The following NRG3 variants were observed in gnomAD, a reference collection of about 807,000 sequenced individuals.
The protein encoded by NRG3 is pro-neuregulin-3, membrane-bound isoform.
Under a neutral mutation model 66.9 loss-of-function variants are expected in NRG3, and 31 were observed. The observed-to-expected ratio is 0.46, with a 90% CI of 0.35 to 0.63. The LOEUF (loss-of-function observed/expected upper bound fraction) is 0.63. Among genes scored for constraint, NRG3 ranks in the 20% least tolerant of loss-of-function variants. The pLI is 0.00. For missense variants in NRG3, 910 were observed against 878.9 expected, an observed-to-expected ratio of 1.04 and a Z score of -0.45; for synonymous variants, 393 against 359.4, an observed-to-expected ratio of 1.09 and a Z score of -1.06.
intron 3 of NRG3, among the ~76,000 whole-genome samples, chr10:82,842,270 C>T (rs910959130): frequency 1.3e-5 from 2 of 152,062 alleles, no homozygotes; most frequent in African/African-American, 4.8e-5. Flanking sequence ...AAATAAAGGG[C>T]TTCAAGTGTT....
chr10:82,505,018 A>G (rs1844541213), intron 2 of NRG3, among the ~76,000 whole-genome samples: 1 of 152,198 alleles, frequency 6.6e-6, no homozygotes, highest in African/African-American at 2.4e-5. Flanking sequence ...GAGATAATTT[A>G]CTTTTATTAG....
At chr10:82,368,048 C>T (rs2084653325) in intron 2 of NRG3, among the ~76,000 whole-genome samples, 1 of 151,066 alleles carries the variant, frequency 6.6e-6, no homozygotes, top group South Asian at 2.1e-4. Flanking sequence ...AACATATTCT[C>T]TGTGATTCAG....
chr10:82,283,128 T>A (rs2079216451), intron 1 of NRG3, among the ~76,000 whole-genome samples: 1 of 151,794 alleles, frequency 6.6e-6, no homozygotes, highest in African/African-American at 2.4e-5. Flanking sequence ...CCACCAAGAC[T>A]TGGGAAACAC....
chr10:82,199,811 ATTTCT>A (rs768010117), intron 1 of NRG3, among the ~76,000 whole-genome samples: 4 of 150,886 alleles, frequency 2.7e-5, no homozygotes, highest in Non-Finnish European at 4.4e-5. Context: ...TCCAGATTAC[ATTTCT>A]TTTTTTTTCA....
At chr10:82,613,769 G>A (rs1590876994) in intron 2 of NRG3, among the ~76,000 whole-genome samples, 1 of 150,682 alleles carries the variant, frequency 6.6e-6, no homozygotes, top group African/African-American at 2.4e-5. Flanking sequence ...CATGTGCCAC[G>A]CTGGTGTGCT....
chr10:82,051,584 A>G (rs1346762708), intron 1 of NRG3, among the ~76,000 whole-genome samples: 3 of 152,186 alleles, frequency 2.0e-5, no homozygotes, highest in East Asian at 1.9e-4. Flanking sequence ...CAGTGTTAGT[A>G]AACATGGACT....
chr10:82,885,374 G>A (rs1406323543), intron 4 of NRG3, among the ~76,000 whole-genome samples: 3 of 152,078 alleles, frequency 2.0e-5, no homozygotes, highest in South Asian at 4.1e-4. Context: ...TCCATGGTCC[G>A]GGGAGATTGC....
intron 2 of NRG3, among the ~76,000 whole-genome samples, chr10:82,373,792 G>A (rs1033457815): frequency 1.3e-5 from 2 of 152,110 alleles, no homozygotes; most frequent in Non-Finnish European, 2.9e-5. Flanking sequence ...CTTTGACAAG[G>A]TTTTATTTTC....
At chr10:82,431,049 G>C (rs2089774895) in intron 2 of NRG3, among the ~76,000 whole-genome samples, 1 of 152,096 alleles carries the variant, frequency 6.6e-6, no homozygotes, top group Non-Finnish European at 1.5e-5. Context: ...TTATTTTCCT[G>C]ATATTTAAGG....
At chr10:82,747,814 G>A (rs1355737385) in intron 3 of NRG3, among the ~76,000 whole-genome samples, 1 of 151,670 alleles carries the variant, frequency 6.6e-6, no homozygotes, top group African/African-American at 2.4e-5. Flanking sequence ...GCCTTTTATG[G>A]AGTCAAATCT....
At chr10:82,063,211 C>T (rs1057491635) in intron 1 of NRG3, among the ~76,000 whole-genome samples, 1 of 151,992 alleles carries the variant, frequency 6.6e-6, no homozygotes, top group Non-Finnish European at 1.5e-5. Flanking sequence ...GCTGTTTTCT[C>T]ATTTTTATGT....
chr10:81,931,301 A>G (rs1847326855), intron 1 of NRG3, among the ~76,000 whole-genome samples: 1 of 152,208 alleles, frequency 6.6e-6, no homozygotes, highest in Admixed American at 6.5e-5. Context: ...GGGATCATGA[A>G]TATCAAAGAC....
intron 1 of NRG3, among the ~76,000 whole-genome samples, chr10:82,084,951 A>G (rs543992267): frequency 3.3e-5 from 5 of 152,166 alleles, no homozygotes; most frequent in East Asian, 1.9e-4. Context: ...CCTCGCACAC[A>G]GGCTGAAAGA....
intron 2 of NRG3, among the ~76,000 whole-genome samples, chr10:82,449,292 TGGAC>T (rs2090902868): frequency 6.6e-6 from 1 of 152,172 alleles, no homozygotes; most frequent in Non-Finnish European, 1.5e-5. Context: ...GAATGTCTAG[TGGAC>T]ATTTTGCAAA....
At chr10:82,622,700 A>G (rs1482361216) in intron 2 of NRG3, among the ~76,000 whole-genome samples, 1 of 152,172 alleles carries the variant, frequency 6.6e-6, no homozygotes, top group Non-Finnish European at 1.5e-5. Context: ...AGGCAATCTC[A>G]AGGGTAAACA....
intron 2 of NRG3, among the ~76,000 whole-genome samples, chr10:82,487,691 A>G (rs552916377): frequency 1.3e-5 from 2 of 152,304 alleles, no homozygotes; most frequent in African/African-American, 4.8e-5. Flanking sequence ...ATTTGCCTTT[A>G]TGTTATTGAT....
chr10:82,644,712 A>G (rs950558590), intron 2 of NRG3, among the ~76,000 whole-genome samples: 1 of 152,140 alleles, frequency 6.6e-6, no homozygotes, highest in South Asian at 2.1e-4. Flanking sequence ...GTGTGTGTCT[A>G]TGGACGGGGA....
intron 1 of NRG3, among the ~76,000 whole-genome samples, chr10:82,346,979 G>C (rs1199841280): frequency 6.6e-6 from 1 of 151,906 alleles, no homozygotes; most frequent in African/African-American, 2.4e-5. Context: ...AGTCTTGCTA[G>C]CTGTCTATCA....
intron 2 of NRG3, among the ~76,000 whole-genome samples, chr10:82,450,652 C>A (rs1267479599): frequency 2.0e-5 from 3 of 152,154 alleles, no homozygotes; most frequent in Admixed American, 1.3e-4. Flanking sequence ...CTCTTCTCAT[C>A]CTCTGCTCAG....
Sources: gnomAD v4.1 joint callset for allele counts (sites outside exome capture counted in the v4.1 genomes callset) on GRCh38, gnomAD v4.1.1 for gene constraint, MANE v1.5 for transcripts, NCBI Gene and HGNC (gene_info 2026-07-23, HGNC 2026-07-21) for gene names.